Variants in DPP10 observed in about 807,000 individuals in gnomAD.
DPP10 encodes inactive dipeptidyl peptidase 10.
DPP10 carries 33 observed loss-of-function variants against 120.9 expected under a neutral mutation model. The ratio of observed to expected loss-of-function variants is 0.27; its 90% confidence interval spans 0.21 to 0.37. DPP10 has a LOEUF of 0.37. Ranked by LOEUF, DPP10 falls within the 10% of genes least tolerant of loss-of-function variation. The pLI is 1.00. For synonymous variants in DPP10, 337 were observed against 326.1 expected (o/e 1.03, Z -0.36); for missense variants, 816 against 942.8 (o/e 0.87, Z 1.76).
In DPP10 at chr2:115,652,394, A is replaced by C. The variant is rs575932499; in HGVS notation, c.442-37293A>C. Among the ~76,000 whole-genome samples, 50 of 141,074 alleles carry C rather than the reference A, an allele frequency of 3.5e-4. No individual in the cohort carries two copies. The East Asian group carries it at 9.5e-3, about 27-fold the overall frequency. 92.6% of individuals were successfully genotyped at this position (141,074 alleles called of 152,430 possible). On this transcript the variant is annotated intron_variant, in intron 5 of 25. Transcript: ENST00000410059. ...AGTCTGGATTCTCCAGAGAAAGAAA[A>C]CCAATAGGATATATATGTGTGTGTG...
chr2:114,856,834 G>A (rs1471590050), intron 1 of DPP10, among the ~76,000 whole-genome samples: 1 of 152,052 alleles, frequency 6.6e-6, no homozygotes, highest in Admixed American at 6.5e-5. Flanking sequence ...CTTGTAATTT[G>A]TGCACTATTC....
At position 115,197,814 on chromosome 2, in the gene DPP10, C is replaced by T. The variant is rs137906691; in HGVS notation, c.61-111425C>T. Reference sequence around the variant, plus strand: ...GCTTATGAAAATAAATATGCTATGACGTTTGTAATTGGTATGATTCAGAAT... The same window carrying T: ...GCTTATGAAAATAAATATGCTATGATGTTTGTAATTGGTATGATTCAGAAT... On this transcript the variant is annotated intron_variant, in intron 1 of 25. Transcript: ENST00000410059. Among the ~76,000 whole-genome samples, 60 of 152,224 alleles carry T rather than the reference C, an allele frequency of 3.9e-4. 1 individual carries two copies. The East Asian group carries it at 7.0e-3, about 18-fold the overall frequency.
chr2:114,669,642 T>A (rs1698186275), intron 1 of DPP10, among the ~76,000 whole-genome samples: 1 of 152,118 alleles, frequency 6.6e-6, no homozygotes, highest in Non-Finnish European at 1.5e-5. Context: ...AGAGAACAAA[T>A]CAGTTCTATT....
At position 115,102,676 on chromosome 2, in the gene DPP10, C is replaced by T. The variant is rs1004974458; in HGVS notation, c.61-206563C>T. ...CACCCGCCTCGGCCTCCCAAGGTGCCGGGATTAGAGGCGTGAGCCACCACG... is the reference window on the plus strand; with the variant it reads ...CACCCGCCTCGGCCTCCCAAGGTGCTGGGATTAGAGGCGTGAGCCACCACG... On this transcript the variant is annotated intron_variant, in intron 1 of 25. Coordinates refer to ENST00000410059, the MANE Select transcript of DPP10 (RefSeq NM_020868.6). 6.0e-5 allele frequency among the ~76,000 whole-genome samples: 9 copies of T among 150,304 alleles called. No homozygotes were observed. In the South Asian group the frequency reaches 8.4e-4, roughly 14 times the overall value.
chr2:114,632,427 T>G (rs1694990295), intron 1 of DPP10, among the ~76,000 whole-genome samples: 2 of 151,382 alleles, frequency 1.3e-5, no homozygotes, highest in African/African-American at 4.8e-5. Context: ...TATCAGAGAG[T>G]TTTTCTCTAA....
chr2:115,649,493 AT>A (rs1192281180), intron 5 of DPP10, among the ~76,000 whole-genome samples: 1 of 152,044 alleles, frequency 6.6e-6, no homozygotes, highest in Non-Finnish European at 1.5e-5. Context: ...TTTGTACATA[AT>A]TATTTTTAGG....
At chr2:115,605,276 T>G (rs932483536) in intron 5 of DPP10, among the ~76,000 whole-genome samples, 1 of 152,116 alleles carries the variant, frequency 6.6e-6, no homozygotes, top group Non-Finnish European at 1.5e-5. Flanking sequence ...TTTCTCTCAT[T>G]TTGAAAATGA....
intron 1 of DPP10, among the ~76,000 whole-genome samples, chr2:114,481,381 CT>C (rs1227304503): frequency 1.3e-5 from 2 of 152,030 alleles, no homozygotes; most frequent in African/African-American, 4.8e-5. Context: ...CATGATACCC[CT>C]ATCACAAAGC....
At position 115,844,432 on chromosome 2, in the gene DPP10, G is replaced by A. The variant is rs1243269709; in HGVS notation, c.*2087G>A. On this transcript the variant is annotated 3_prime_UTR_variant, in exon 26 of 26. Transcript: ENST00000410059. ...CAATTAATTTAATACAGTTTCTAAT[G>A]TGAAAGACATTTTTCTGGAACCCGT... The A allele has an allele frequency of 6.6e-6, 1 of 152,436 alleles. No homozygotes were observed. The highest frequency in any genetic ancestry group is 1.5e-5 in the Non-Finnish European group (1 of 68,002). The allele number at this position is 152,436 out of a possible 1,614,324, so 9.4% of individuals were successfully genotyped here. A position where few individuals can be genotyped will look rare whatever the true frequency, so the allele number is the denominator to read the frequency against.
intron 1 of DPP10, among the ~76,000 whole-genome samples, chr2:114,734,435 A>T (rs1268824588): frequency 1.3e-5 from 2 of 152,180 alleles, no homozygotes; most frequent in African/African-American, 4.8e-5. Flanking sequence ...GTCCACCAGA[A>T]TATGTTTAAA....
At chr2:115,593,358 G>A (rs1291590284) in intron 5 of DPP10, among the ~76,000 whole-genome samples, 1 of 152,208 alleles carries the variant, frequency 6.6e-6, no homozygotes, top group Non-Finnish European at 1.5e-5. Flanking sequence ...AGGGCAACCT[G>A]ACAGATTCTT....
intron 3 of DPP10, among the ~76,000 whole-genome samples, chr2:115,405,561 C>A (rs1320374517): frequency 2.0e-5 from 3 of 152,116 alleles, no homozygotes; most frequent in African/African-American, 7.2e-5. Flanking sequence ...AGAGAAGACT[C>A]TCTGTGCTGA....
At chr2:114,666,939 ATTCTC>A (rs746252861) in intron 1 of DPP10, among the ~76,000 whole-genome samples, 92 of 152,344 alleles carry the variant, frequency 6.0e-4, no homozygotes, top group Middle Eastern at 3.4e-3. Context: ...ATTTTCAAGC[ATTCTC>A]TTGTCTAGGA....
At chr2:114,918,824 C>T (rs187453304) in intron 1 of DPP10, among the ~76,000 whole-genome samples, 4 of 151,770 alleles carry the variant, frequency 2.6e-5, no homozygotes, top group African/African-American at 4.8e-5. Flanking sequence ...GGGTGAGGAC[C>T]GTAAAACTAC....
chr2:114,687,741 T>TG (rs1226097995), intron 1 of DPP10, among the ~76,000 whole-genome samples: 1 of 151,974 alleles, frequency 6.6e-6, no homozygotes, highest in Non-Finnish European at 1.5e-5. Flanking sequence ...AATGAGAGCC[T>TG]GGAGCAAGGC....
At chr2:114,586,221 A>G (rs1012313070) in intron 1 of DPP10, among the ~76,000 whole-genome samples, 2 of 152,180 alleles carry the variant, frequency 1.3e-5, no homozygotes, top group African/African-American at 4.8e-5. Flanking sequence ...ACTGCATTCC[A>G]GCCTGGGTAA....
Position 114,651,727 on chromosome 2 carries a change from A to G in DPP10, c.60+208889A>G, listed in dbSNP as rs540445475. Among the ~76,000 whole-genome samples, 3 of 152,290 alleles carry G rather than the reference A, an allele frequency of 2.0e-5. No individual in the cohort carries two copies. The East Asian group carries it at 5.8e-4, about 29-fold the overall frequency. The stretch of plus-strand genomic sequence containing the variant: ...AGGATGCCACTTTTCTCATGAAAAG[A>G]AAAAAATTCAACAATCCGCAACTGT... On this transcript the variant is annotated intron_variant, in intron 1 of 25. Coordinates refer to ENST00000410059, the MANE Select transcript of DPP10 (RefSeq NM_020868.6).
chr2:115,648,364 G>A (rs1482469802), intron 5 of DPP10, among the ~76,000 whole-genome samples: 1 of 151,960 alleles, frequency 6.6e-6, no homozygotes. Flanking sequence ...ACATGGTGAC[G>A]ATAGTTCATA....
intron 3 of DPP10, among the ~76,000 whole-genome samples, chr2:115,486,813 G>A (rs986004420): frequency 6.6e-6 from 1 of 152,050 alleles, no homozygotes. Flanking sequence ...GAAAATTGCT[G>A]CTATTCACAT....
Sources: allele counts gnomAD v4.1 joint callset (sites outside exome capture counted in the v4.1 genomes callset), GRCh38; gene constraint gnomAD v4.1.1; transcripts MANE v1.5; gene names NCBI Gene and HGNC (gene_info 2026-07-23, HGNC 2026-07-21).